Variants in CPNE3 observed in about 807,000 individuals in gnomAD.
CPNE3 encodes copine-3.
A neutral mutation model predicts 63.9 loss-of-function variants in CPNE3; 68 were observed. That is an observed-to-expected ratio of 1.06 (90% CI 0.87 to 1.30). The LOEUF is 1.30. Among genes scored for constraint, CPNE3 ranks in the 50% most tolerant of loss-of-function variants. The pLI is 0.00. For synonymous variants in CPNE3, 219 were observed against 197.5 expected (o/e 1.11, Z -0.91); for missense variants, 665 against 578.1 (o/e 1.15, Z -1.54).
chr8:86,537,839 T>G (rs1820834777), intron 7 of CPNE3, among the ~76,000 whole-genome samples, 193 bp downstream of exon 7: 1 of 152,146 alleles, frequency 6.6e-6, no homozygotes, highest in African/African-American at 2.4e-5. Flanking sequence ...ATTTTTATTT[T>G]GAAAAATTTT....
chr8:86,557,747 C>G (rs1376368835), intron 16 of CPNE3, among the ~76,000 whole-genome samples: 2 of 151,978 alleles, frequency 1.3e-5, no homozygotes, highest in Non-Finnish European at 2.9e-5. Context: ...GAAACAAACA[C>G]ACACACATAC....
At chr8:86,533,057 T>A (rs1820719487) in intron 6 of CPNE3, among the ~76,000 whole-genome samples, 1 of 151,836 alleles carries the variant, frequency 6.6e-6, no homozygotes. Flanking sequence ...TCTATCTATC[T>A]ATCTATCTAT....
In CPNE3 at chr8:86,528,517, T is replaced by G. The variant is rs768293206; in HGVS notation, c.-10-19T>G. On this transcript the variant is annotated intron_variant, in intron 2 of 16. Transcript: ENST00000517490. Reference sequence around the variant, plus strand: ...AAGGCACTGTTTTACTTGCTTTCTCTTTTTATTGGTTTTCTCAGAACTCAA... The same window carrying G: ...AAGGCACTGTTTTACTTGCTTTCTCGTTTTATTGGTTTTCTCAGAACTCAA... The G allele has an allele frequency of 2.5e-6, 4 of 1,610,298 alleles. No homozygotes were observed. In the African/African-American group the frequency reaches 4.0e-5, roughly 16 times the overall value.
chr8:86,536,611 C>G (rs746740680), intron 6 of CPNE3, among the ~76,000 whole-genome samples: 6 of 152,070 alleles, frequency 3.9e-5, no homozygotes, highest in Non-Finnish European at 7.4e-5. Flanking sequence ...TAATTTAATA[C>G]TGAAGTTAAT....
rs1469285012 is a variant in CPNE3, at chr8:86,537,646, G to A, written c.543G>A (p.Glu181=). The change falls in exon 7 of 17, where the codon GAG becomes GAA. Residue 181 remains glutamate, a splice_region_variant and synonymous_variant. Transcript: ENST00000517490. ...DGNWLMVHRT[E]VVKNNLNPVW... ...ACTGGCTAATGGTTCATCGGACAGA[G>A]GTGAATATTTGAATTTGAAAAGCAG... 1 of 1,577,302 alleles carries A rather than the reference G, an allele frequency of 6.3e-7. No individual in the cohort carries two copies. The highest frequency in any genetic ancestry group is 1.1e-5 in the South Asian group (1 of 90,292).
chr8:86,555,721 A>AATAATTTTTGT (rs1369512132), intron 15 of CPNE3, among the ~76,000 whole-genome samples: 1 of 148,572 alleles, frequency 6.7e-6, no homozygotes, highest in African/African-American at 2.4e-5. Context: ...TTCTAATTCT[A>AATAATTTTTGT]ATAATTTTTG....
chr8:86,524,707 A>G (rs1452529439), intron 2 of CPNE3: 1 of 77,608 alleles, frequency 1.3e-5, no homozygotes, highest in Non-Finnish European at 3.2e-5. Context: ...TTTTTGCGAC[A>G]GGGTCTTGCT....
At chr8:86,531,671 A>G (rs1586834578) in intron 5 of CPNE3, among the ~76,000 whole-genome samples, 1 of 104,732 alleles carries the variant, frequency 9.5e-6, no homozygotes, top group East Asian at 2.1e-4. Context: ...ACTCTTTACC[A>G]TCATTTTTTG....
At chr8:86,556,056 G>A (rs758928763) in intron 15 of CPNE3, 46 bp from the exon 16 acceptor site, 2 of 848,412 alleles carry the variant, frequency 2.4e-6, no homozygotes, top group Non-Finnish European at 4.2e-6. Context: ...GATGCCATTA[G>A]CCATTGCTTG....
In CPNE3 at chr8:86,560,595, G is replaced by T. The variant is rs552091439; in HGVS notation, c.*2185G>T. The T allele has an allele frequency of 6.9e-5, 2 of 29,162 alleles. No homozygotes were observed. Among genetic ancestry groups the T allele is most frequent in the Non-Finnish European group, 1.4e-4 (2 of 14,576 alleles). 1.8% of individuals were successfully genotyped at this position (29,162 alleles called of 1,614,324 possible). On this transcript the variant is annotated 3_prime_UTR_variant, in exon 17 of 17. Coordinates refer to ENST00000517490, the MANE Select transcript of CPNE3 (RefSeq NM_003909.5). ...ATCAGAATTATTCTATTTTAAAATT[G>T]TTTTAAAATTTAAAACATTTAATTC...
At position 86,551,274 on chromosome 8, in the gene CPNE3, G is replaced by T. The variant is rs756517874; in HGVS notation, c.1120+40G>T. On this transcript the variant is annotated intron_variant, in intron 14 of 16. Coordinates refer to ENST00000517490, the MANE Select transcript of CPNE3 (RefSeq NM_003909.5). Reference sequence around the variant, plus strand: ...AAACATGAAGACTTCAAATGGAAAGGCTCACTAGTCTTTGTTATTTTGTTC... The same window carrying T: ...AAACATGAAGACTTCAAATGGAAAGTCTCACTAGTCTTTGTTATTTTGTTC... The T allele has an allele frequency of 5.4e-6, 7 of 1,302,236 alleles. No individual in the cohort carries two copies. The South Asian group carries it at 6.0e-5, about 11-fold the overall frequency. The allele number at this position is 1,302,236 out of a possible 1,614,324, so 80.7% of individuals were successfully genotyped here.
intron 2 of CPNE3, among the ~76,000 whole-genome samples, chr8:86,517,288 A>G (rs192470108): frequency 7.4e-4 from 112 of 152,362 alleles, no homozygotes; most frequent in Admixed American, 3.3e-4. Flanking sequence ...CCTCATAAAA[A>G]AAAAGAAGGA....
At chr8:86,552,730 A>G (rs747298161) in intron 14 of CPNE3, among the ~76,000 whole-genome samples, 4 of 151,822 alleles carry the variant, frequency 2.6e-5, no homozygotes, top group Non-Finnish European at 5.9e-5. Context: ...AATATGCCTT[A>G]GAAATAACTT....
intron 2 of CPNE3, among the ~76,000 whole-genome samples, chr8:86,523,898 C>T (rs1433042362): frequency 6.6e-6 from 1 of 152,114 alleles, no homozygotes; most frequent in Non-Finnish European, 1.5e-5. Flanking sequence ...TGAAGTGGAT[C>T]TTGAAGAACT....
intron 2 of CPNE3, among the ~76,000 whole-genome samples, chr8:86,517,263 C>T (rs1361043811): frequency 6.6e-6 from 1 of 152,020 alleles, no homozygotes; most frequent in African/African-American, 2.4e-5. Flanking sequence ...AGGTGGATAG[C>T]ATATTAGTAA....
At chr8:86,552,338 A>G (rs1055110716) in intron 14 of CPNE3, among the ~76,000 whole-genome samples, 2 of 152,142 alleles carry the variant, frequency 1.3e-5, no homozygotes, top group Non-Finnish European at 1.5e-5. Flanking sequence ...GTGTTCTTTG[A>G]GGCACTTTCA....
intron 7 of CPNE3, among the ~76,000 whole-genome samples, chr8:86,538,063 T>C (rs1820843808): frequency 6.6e-6 from 1 of 152,036 alleles, no homozygotes; most frequent in African/African-American, 2.4e-5. Context: ...GCTACAGATA[T>C]AATAACTCTT....
Position 86,547,739 on chromosome 8 carries a change from A to G in CPNE3, c.848A>G (p.Tyr283Cys), listed in dbSNP as rs763626729. Residue 283 changes from tyrosine (Y) to cysteine (C), a missense_variant, in exon 11 of 17, where the codon TAT becomes TGT. Coordinates refer to ENST00000517490, the MANE Select transcript of CPNE3 (RefSeq NM_003909.5). Reference protein sequence around the residue: ...EITVECTFLDYIMGGCQLNFT... With the variant: ...EITVECTFLDCIMGGCQLNFT... Reference sequence around the variant, plus strand: ...ACAGTAGAATGCACATTCCTTGACTATATAATGGGAGGATGTCAGCTGAAT... The same window carrying G: ...ACAGTAGAATGCACATTCCTTGACTGTATAATGGGAGGATGTCAGCTGAAT... 2.9e-6 allele frequency: 4 copies of G among 1,375,924 alleles called. No individual in the cohort carries two copies. Among genetic ancestry groups the G allele is most frequent in the South Asian group, 2.4e-5 (2 of 85,028 alleles). The allele number at this position is 1,375,924 out of a possible 1,614,324, so 85.2% of individuals were successfully genotyped here.
In CPNE3 at chr8:86,527,039, A is replaced by G. The variant is rs143991842; in HGVS notation, c.-10-1497A>G. Among the ~76,000 whole-genome samples the G allele has an allele frequency of 3.0e-4, 46 of 152,278 alleles. No homozygotes were observed. In the East Asian group the frequency reaches 8.1e-3, roughly 27 times the overall value. Reference sequence around the variant, plus strand: ...CTAATGATAATCTTTGTTACTTCAGATTTGCTTAGGCATTTTATACAGCAC... The same window carrying G: ...CTAATGATAATCTTTGTTACTTCAGGTTTGCTTAGGCATTTTATACAGCAC... On this transcript the variant is annotated intron_variant, in intron 2 of 16. Transcript: ENST00000517490.
Sources: allele counts gnomAD v4.1 joint callset (sites outside exome capture counted in the v4.1 genomes callset), GRCh38; gene constraint gnomAD v4.1.1; transcripts MANE v1.5; gene names NCBI Gene and HGNC (gene_info 2026-07-23, HGNC 2026-07-21).